The following ERG variants were observed in gnomAD, a reference collection of about 807,000 sequenced individuals.
ERG encodes the protein ETS transcription factor ERG.
Under a neutral mutation model 55.3 loss-of-function variants are expected in ERG, and 9 were observed. The ratio of observed to expected loss-of-function variants is 0.16; its 90% CI spans 0.10 to 0.28. The LOEUF is 0.28. ERG is among the 10% of genes least tolerant of loss of function. ERG has a pLI of 1.00. For missense variants in ERG, 434 were observed against 631.6 expected (o/e 0.69, Z 3.35); for synonymous variants, 223 against 237.3 (o/e 0.94, Z 0.55).
exon 1 of ERG, chr21:38,584,887 A>G (rs1183896417): frequency 1.3e-5 from 2 of 152,070 alleles, no homozygotes; most frequent in Non-Finnish European, 1.5e-5. Flanking sequence ...TCTGTGAGTC[A>G]TTTGTCTTGC....
intron 1 of ERG, among the ~76,000 whole-genome samples, chr21:38,477,214 A>T (rs1225245116): frequency 2.6e-5 from 4 of 152,036 alleles, no homozygotes; most frequent in Non-Finnish European, 5.9e-5. Context: ...AGGTTTCACC[A>T]TGTTGGCTAG....
chr21:38,658,456 G>A (rs555714875), intron 1 of ERG, among the ~76,000 whole-genome samples: 6 of 152,242 alleles, frequency 3.9e-5, no homozygotes, highest in Admixed American at 2.0e-4. Context: ...ACTTGCTATC[G>A]GTTTTTGCCT....
chr21:38,406,641 A>G (rs1217396017), intron 3 of ERG, among the ~76,000 whole-genome samples: 1 of 152,108 alleles, frequency 6.6e-6, no homozygotes, highest in Non-Finnish European at 1.5e-5. Flanking sequence ...TTTGCTTTTA[A>G]CAAAATGGGA....
At chr21:38,603,079 T>C (rs889256342) in intron 1 of ERG, among the ~76,000 whole-genome samples, 2 of 151,884 alleles carry the variant, frequency 1.3e-5, no homozygotes. Context: ...CCAGGTACTA[T>C]GAATACTCAA....
intron 2 of ERG, among the ~76,000 whole-genome samples, chr21:38,560,171 GCAA>G (rs1324509340): frequency 3.3e-5 from 5 of 152,136 alleles, no homozygotes; most frequent in Non-Finnish European, 5.9e-5. Context: ...AGGGAAATTT[GCAA>G]CAACAACAAA....
intron 6 of ERG, 199 bp downstream of exon 6, chr21:38,400,375 A>G (rs1988428119): frequency 4.3e-6 from 3 of 691,072 alleles, no homozygotes; most frequent in Non-Finnish European, 8.0e-6. Flanking sequence ...ATCTGCTCTT[A>G]ATTCCTTTAG....
chr21:38,453,027 A>T (rs2058955432), intron 1 of ERG, among the ~76,000 whole-genome samples: 1 of 152,224 alleles, frequency 6.6e-6, no homozygotes. Flanking sequence ...GGGATCCACA[A>T]ACTTCTATTA....
intron 6 of ERG, among the ~76,000 whole-genome samples, chr21:38,393,239 T>G (rs1988059035): frequency 1.3e-5 from 2 of 152,362 alleles, no homozygotes; most frequent in East Asian, 3.9e-4. Flanking sequence ...ACTTTTCATA[T>G]GCAAATTTAA....
intron 1 of ERG, among the ~76,000 whole-genome samples, chr21:38,463,353 A>G (rs934094930): frequency 1.3e-5 from 2 of 152,194 alleles, no homozygotes; most frequent in Non-Finnish European, 2.9e-5. Flanking sequence ...GGTTGACTCT[A>G]GGAACTACTT....
intron 3 of ERG, among the ~76,000 whole-genome samples, chr21:38,411,661 A>G (rs1394718301): frequency 6.6e-6 from 1 of 152,180 alleles, no homozygotes; most frequent in Non-Finnish European, 1.5e-5. Flanking sequence ...GGCCTAGTGC[A>G]TGGTCAGTTT....
At chr21:38,519,591 C>T (rs2059578569) in intron 2 of ERG, among the ~76,000 whole-genome samples, 1 of 152,166 alleles carries the variant, frequency 6.6e-6, no homozygotes, top group South Asian at 2.1e-4. Flanking sequence ...CAAAGGAGCC[C>T]ATTTGATGTA....
At chr21:38,452,201 G>T (rs2058947548) in intron 1 of ERG, among the ~76,000 whole-genome samples, 1 of 152,154 alleles carries the variant, frequency 6.6e-6, no homozygotes, top group Non-Finnish European at 1.5e-5. Context: ...CTAGTCCAGT[G>T]CTAAGAAATG....
intron 2 of ERG, among the ~76,000 whole-genome samples, chr21:38,442,308 C>T (rs1038255867): frequency 1.3e-4 from 20 of 151,688 alleles, no homozygotes; most frequent in African/African-American, 4.6e-4. Context: ...GCAGGGGAGT[C>T]GCTTGAACCC....
intron 2 of ERG, among the ~76,000 whole-genome samples, chr21:38,519,941 C>A (rs528130815): frequency 3.9e-5 from 6 of 152,022 alleles, no homozygotes; most frequent in African/African-American, 1.2e-4. Flanking sequence ...AGCTTGGACA[C>A]TGAAAGCATT....
At chr21:38,564,273 A>AGTAATTCTGTGTATT (rs2059909537) in intron 2 of ERG, among the ~76,000 whole-genome samples, 1 of 152,138 alleles carries the variant, frequency 6.6e-6, no homozygotes, top group Admixed American at 6.5e-5. Flanking sequence ...ATACTGGTAA[A>AGTAATTCTGTGTATT]TACACAGAAG....
chr21:38,623,997 G>A (rs1166996379), intron 1 of ERG, among the ~76,000 whole-genome samples: 1 of 152,158 alleles, frequency 6.6e-6, no homozygotes, highest in Non-Finnish European at 1.5e-5. Context: ...GAACATTCCT[G>A]AGATGTTTTC....
chr21:38,560,654 C>T (rs1164823323), intron 2 of ERG, among the ~76,000 whole-genome samples: 1 of 152,190 alleles, frequency 6.6e-6, no homozygotes. Flanking sequence ...ACCTAACTAA[C>T]ACAATACTCC....
chr21:38,521,235 C>A (rs2059592136), intron 2 of ERG, among the ~76,000 whole-genome samples: 1 of 152,150 alleles, frequency 6.6e-6, no homozygotes, highest in Non-Finnish European at 1.5e-5. Flanking sequence ...CAACATTCAG[C>A]ATCTCAAAGT....
intron 1 of ERG, among the ~76,000 whole-genome samples, chr21:38,481,347 A>T (rs1046944107): frequency 6.5e-4 from 99 of 152,324 alleles, no homozygotes; most frequent in Middle Eastern, 3.4e-3. Context: ...TTACATGCGG[A>T]CGCTGTGGAA....
Sources: gnomAD v4.1 joint callset for allele counts (sites outside exome capture counted in the v4.1 genomes callset) on GRCh38, gnomAD v4.1.1 for gene constraint, MANE v1.5 for transcripts, NCBI Gene and HGNC (gene_info 2026-07-23, HGNC 2026-07-21) for gene names.